The following DCST2 variants were observed in gnomAD, a reference collection of about 807,000 sequenced individuals.
DCST2 encodes DC-STAMP domain-containing protein 2.
In DCST2, 64 loss-of-function variants were observed where a neutral mutation model predicts 81.8. The ratio of observed to expected loss-of-function variants is 0.78; its 90% confidence interval spans 0.64 to 0.96. The LOEUF is 0.96. Ranked by LOEUF, DCST2 falls within the 40% of genes least tolerant of loss-of-function variation. The probability of loss-of-function intolerance (pLI) is 0.00; values close to 1 mark genes in which losing one functional copy is unlikely to be tolerated. For synonymous variants in DCST2, 354 were observed against 402.6 expected (o/e 0.88, Z 1.44); for missense variants, 945 against 1,001.4 (o/e 0.94, Z 0.76).
At position 155,023,227 on chromosome 1, in the gene DCST2, T is replaced by C. The variant is rs1659800855; in HGVS notation, c.1995A>G (p.Leu665=). The part of the protein sequence containing the change: ...LDSSDEEGPQ[L]WLAAAQRKDP... ...CCTTCCTTTGAGCTGCAGCCAGCCA[T>C]AGCTGAGGGCCCTCCTCATCGCTGG... is the stretch of plus-strand genomic sequence containing the variant. The change falls in exon 14 of 15, where the codon CTA becomes CTG. Residue 665 remains leucine (L), a synonymous_variant. Transcript: ENST00000368424. 1.2e-6 allele frequency: 2 copies of C among 1,614,182 alleles called. No homozygotes were observed. Among genetic ancestry groups the C allele is most frequent in the African/African-American group, 1.3e-5 (1 of 75,064 alleles).
At chr1:155,030,000 G>A in intron 7 of DCST2, 84 bp downstream of exon 7, 1 of 1,574,290 alleles carries the variant, frequency 6.4e-7, no homozygotes, top group South Asian at 1.1e-5. Flanking sequence ...CCCTGCCTGT[G>A]CAGGGGCTTA....
At chr1:155,031,524 A>ACCC in intron 4 of DCST2, 50 bp downstream of exon 4, 15 of 481,158 alleles carry the variant, frequency 3.1e-5, no homozygotes, top group Middle Eastern at 4.1e-4. Flanking sequence ...TTCCCACCCC[A>ACCC]CCCCACCCCA....
intron 8 of DCST2, among the ~76,000 whole-genome samples, chr1:155,027,722 G>A (rs1288691825): frequency 6.7e-6 from 1 of 149,294 alleles, no homozygotes; most frequent in Non-Finnish European, 1.5e-5. Flanking sequence ...CACTATGCCT[G>A]GCTCATTTTT....
chr1:155,030,236 A>T lies in DCST2; in HGVS notation c.1025T>A (p.Leu342Gln). The change falls in exon 7 of 15, where the codon CTA (leucine) becomes CAA (glutamine). Residue 342 changes from leucine to glutamine, a missense_variant. Leu to Gln is a moderately radical substitution (Grantham distance 113). Transcript: ENST00000368424. The part of the protein sequence containing the change: ...LLLVLLYLQA[L>Q]FYRYCYLNWD... ...GTTCAGGTAACAATACCGGTAAAAT[A>T]GGGCTCTGGGAAGGGGAGGTGGAGC... The T allele has an allele frequency of 6.2e-7, 1 of 1,614,116 alleles. No individual in the cohort carries two copies. The highest frequency in any genetic ancestry group is 2.2e-5 in the East Asian group (1 of 44,868).
In DCST2 at chr1:155,026,286, G is replaced by C; in HGVS notation, c.1611+16C>G. The stretch of plus-strand genomic sequence containing the variant: ...GGGAGGGGGCAGGGACTAGCTCCCA[G>C]CCCCGGACCCCTCACCTGCTCCCGG... On this transcript the variant is annotated intron_variant, in intron 10 of 14. Coordinates refer to ENST00000368424, the MANE Select transcript of DCST2 (RefSeq NM_144622.3). 6.2e-7 allele frequency: 1 copy of C among 1,613,112 alleles called. No homozygotes were observed. Among genetic ancestry groups the C allele is most frequent in the Non-Finnish European group, 8.5e-7 (1 of 1,179,654 alleles).
At position 155,026,586 on chromosome 1, in the gene DCST2, C is replaced by A. The variant is rs140460207; in HGVS notation, c.1472G>T (p.Arg491Leu). Residue 491 changes from arginine to leucine, a missense_variant, in exon 9 of 15, where the codon CGT (arginine) becomes CTT (leucine). Coordinates refer to ENST00000368424, the MANE Select transcript of DCST2 (RefSeq NM_144622.3). ...GCCAGTGCTGTCAGGCTCCGAGGGA[C>A]GAAGGAGACAACGCCGGGACAAAAT... ...ISILSRRCLLRPSEPDSTGYI... is the reference protein window; with the variant it reads ...ISILSRRCLLLPSEPDSTGYI... 6.2e-7 allele frequency: 1 copy of A among 1,614,042 alleles called. No homozygotes were observed. Among genetic ancestry groups the A allele is most frequent in the Non-Finnish European group, 8.5e-7 (1 of 1,180,042 alleles).
chr1:155,023,533 C>A (rs1429005890), intron 12 of DCST2, 76 bp from the exon 13 acceptor site: 2 of 1,549,538 alleles, frequency 1.3e-6, no homozygotes, highest in Non-Finnish European at 8.7e-7. Flanking sequence ...TTGCCAGCCC[C>A]TGCCTCCCCT....
intron 14 of DCST2, among the ~76,000 whole-genome samples, chr1:155,020,351 A>G (rs1659716732): frequency 6.6e-6 from 1 of 151,986 alleles, no homozygotes; most frequent in African/African-American, 2.4e-5. Context: ...GGAGCCACAT[A>G]CCATATTTCT....
At chr1:155,019,342 C>T (rs1023010713) in intron 14 of DCST2, among the ~76,000 whole-genome samples, 3 of 152,192 alleles carry the variant, frequency 2.0e-5, no homozygotes, top group Non-Finnish European at 2.9e-5. Context: ...TTTAAGATGC[C>T]GGCTCTGGAC....
At chr1:155,025,589 A>G (rs928356702) in intron 10 of DCST2, among the ~76,000 whole-genome samples, 2 of 152,172 alleles carry the variant, frequency 1.3e-5, no homozygotes, top group Non-Finnish European at 2.9e-5. Context: ...GGCCTCCTAA[A>G]GTGCTGGGAT....
Position 155,029,276 on chromosome 1 carries a change from A to G in DCST2, c.1299T>C (p.Leu433=). Residue 433 remains leucine (L), a synonymous_variant, in exon 8 of 15, where the codon CTT becomes CTC. Transcript: ENST00000368424. ...VFLDYAVFWV[L]DLARHQLQGE... ...CCTGCAGCTGGTGCCGGGCCAGGTC[A>G]AGCACCCAGAAGACAGCATAGTCTA... 6.2e-7 allele frequency: 1 copy of G among 1,614,032 alleles called. No homozygotes were observed. Among genetic ancestry groups the G allele is most frequent in the Non-Finnish European group, 8.5e-7 (1 of 1,179,964 alleles).
chr1:155,030,019 G>A (rs1465612690), intron 7 of DCST2, 65 bp downstream of exon 7: 4 of 1,600,342 alleles, frequency 2.5e-6, no homozygotes, highest in Non-Finnish European at 3.4e-6. Flanking sequence ...TAGGGGCAGG[G>A]CAGCGGGGTG....
chr1:155,031,196 G>T lies in DCST2; in HGVS notation c.778C>A (p.Pro260Thr), dbSNP rs375967114. Residue 260 changes from proline (P) to threonine (T), a missense_variant, in exon 5 of 15, where the codon CCC becomes ACC. Pro to Thr is a conservative substitution (Grantham distance 38). Coordinates refer to ENST00000368424, the MANE Select transcript of DCST2 (RefSeq NM_144622.3). ...VFCVIPKYIQ[P>T]FLRQTIGTPV... is the part of the protein sequence containing the mutation. ...GTGCCGATGGTCTGGCGCAAGAAGG[G>T]TTGAATGTACTTAGGGATGACGCAG... The T allele has an allele frequency of 4.4e-6, 7 of 1,593,030 alleles. No homozygotes were observed. The highest frequency in any genetic ancestry group is 2.2e-5 in the East Asian group (1 of 44,626).
At chr1:155,024,949 G>T (rs928078108) in intron 10 of DCST2, among the ~76,000 whole-genome samples, 1 of 152,128 alleles carries the variant, frequency 6.6e-6, no homozygotes, top group Non-Finnish European at 1.5e-5. Context: ...GGGAGTTCAA[G>T]ACCAGCCTGA....
intron 14 of DCST2, among the ~76,000 whole-genome samples, chr1:155,020,671 T>G (rs1659728558): frequency 6.6e-6 from 1 of 152,178 alleles, no homozygotes. Context: ...CCAGCCTTTC[T>G]GAGTCTTCTT....
At chr1:155,028,050 A>G (rs1659962060) in intron 8 of DCST2, among the ~76,000 whole-genome samples, 1 of 152,008 alleles carries the variant, frequency 6.6e-6, no homozygotes, top group South Asian at 2.1e-4. Flanking sequence ...TCAGCCTCCC[A>G]AGTAGCTGGG....
chr1:155,019,059 G>C (rs188592995), intron 14 of DCST2, among the ~76,000 whole-genome samples: 1 of 152,288 alleles, frequency 6.6e-6, no homozygotes, highest in African/African-American at 2.4e-5. Flanking sequence ...TGCTGACCCA[G>C]CTTATCCTTT....
chr1:155,023,650 C>A, intron 12 of DCST2, 182 bp downstream of exon 12: 1 of 1,550,616 alleles, frequency 6.4e-7, no homozygotes, highest in Non-Finnish European at 8.7e-7. Context: ...AGAATAAAGG[C>A]AAGCATGGAG....
intron 14 of DCST2, among the ~76,000 whole-genome samples, chr1:155,021,240 G>A (rs541981317): frequency 1.3e-5 from 2 of 151,080 alleles, no homozygotes; most frequent in South Asian, 4.2e-4. Context: ...ACCTTAAGTG[G>A]TCCTCCCGCC....
Sources: allele counts gnomAD v4.1 joint callset (sites outside exome capture counted in the v4.1 genomes callset), GRCh38; gene constraint gnomAD v4.1.1; transcripts MANE v1.5; gene names NCBI Gene and HGNC (gene_info 2026-07-23, HGNC 2026-07-21).